VMP1: variants seen among roughly 807,000 people sequenced by gnomAD.
VMP1 encodes the protein vacuole membrane protein 1, also known as ectopic P-granules autophagy protein 3 homolog.
VMP1 carries 11 observed loss-of-function variants against 56.0 expected under a neutral mutation model. The ratio of observed to expected loss-of-function variants is 0.20; its 90% CI spans 0.12 to 0.32. The LOEUF is 0.32. VMP1 is among the 10% of genes least tolerant of loss of function. The pLI, the probability that VMP1 is intolerant of heterozygous loss-of-function variation, is 1.00. For missense variants in VMP1, 296 were observed against 490.3 expected (o/e 0.60, Z 3.74); for synonymous variants, 149 against 165.0 (o/e 0.90, Z 0.74).
intron 7 of VMP1, among the ~76,000 whole-genome samples, chr17:59,795,673 T>C (rs562610986): frequency 6.6e-6 from 1 of 151,812 alleles, no homozygotes; most frequent in Admixed American, 6.6e-5. Flanking sequence ...AAATAAAAAA[T>C]AATAATAAAA....
chr17:59,766,257 A>C (rs1004936642), intron 6 of VMP1, among the ~76,000 whole-genome samples: 2 of 152,042 alleles, frequency 1.3e-5, no homozygotes, highest in African/African-American at 4.8e-5. Context: ...TAATCTCAGC[A>C]CTTTGGGCGG....
At chr17:59,734,158 A>T (rs1355803348) in intron 2 of VMP1, among the ~76,000 whole-genome samples, 1 of 152,178 alleles carries the variant, frequency 6.6e-6, no homozygotes, top group Non-Finnish European at 1.5e-5. Context: ...TCTACAAAAG[A>T]TTCTGATGTT....
At chr17:59,750,433 C>A (rs1196487258) in intron 5 of VMP1, among the ~76,000 whole-genome samples, 1 of 151,796 alleles carries the variant, frequency 6.6e-6, no homozygotes, top group African/African-American at 2.4e-5. Context: ...TCCCAAGTAG[C>A]TGAGATTATA....
rs145752076 is a variant in VMP1 at position 59,743,314 on chromosome 17, G to A, written c.414+4367G>A. Among the ~76,000 whole-genome samples, 486 of 152,062 alleles carry A rather than the reference G, an allele frequency of 3.2e-3. 1 individual carries two copies. Among genetic ancestry groups the A allele is most frequent in the Admixed American group, 8.0e-3 (122 of 15,270 alleles). On this transcript the variant is annotated intron_variant, in intron 5 of 11. Transcript: ENST00000262291. ...CACTGATCTTTTTACTGTTTCTATA[G>A]TTTTGCCTTTTCCAGAAGACACTAT... is the stretch of plus-strand genomic sequence containing the variant.
At chr17:59,777,857 A>AC (rs1452240175) in intron 7 of VMP1, among the ~76,000 whole-genome samples, 1 of 150,846 alleles carries the variant, frequency 6.6e-6, no homozygotes, top group Non-Finnish European at 1.5e-5. Context: ...ACAAAACAAA[A>AC]AAACAAATAA....
chr17:59,800,600 T>C (rs1413870903), intron 7 of VMP1, among the ~76,000 whole-genome samples: 2 of 152,216 alleles, frequency 1.3e-5, no homozygotes, highest in Non-Finnish European at 2.9e-5. Flanking sequence ...TCAGTAGTTT[T>C]AATATATACA....
At chr17:59,816,974 GAAAA>G (rs1227434549) in intron 9 of VMP1, among the ~76,000 whole-genome samples, 2 of 105,402 alleles carry the variant, frequency 1.9e-5, no homozygotes, top group African/African-American at 3.3e-5. Context: ...AAGAAAGAAA[GAAAA>G]AAAAAAAGGG....
At chr17:59,817,282 C>CAAAAA (rs1209080230) in intron 9 of VMP1, among the ~76,000 whole-genome samples, 23 of 60,366 alleles carry the variant, frequency 3.8e-4, no homozygotes, top group African/African-American at 1.3e-3. Context: ...AACTCTGTCT[C>CAAAAA]AAAAAAAAAA....
chr17:59,718,217 G>T, intron 1 of VMP1, among the ~76,000 whole-genome samples: 1 of 82,652 alleles, frequency 1.2e-5, no homozygotes. Context: ...TTTTTTGTGA[G>T]ACGGAGTCTC....
intron 1 of VMP1, among the ~76,000 whole-genome samples, chr17:59,731,061 A>G (rs896432041): frequency 5.9e-5 from 9 of 152,206 alleles, no homozygotes; most frequent in African/African-American, 1.9e-4. Context: ...ATTGTAAATT[A>G]GAAGGAGTTA....
chr17:59,759,587 A>G (rs980552369), intron 5 of VMP1, among the ~76,000 whole-genome samples: 3 of 152,062 alleles, frequency 2.0e-5, no homozygotes, highest in African/African-American at 7.2e-5. Context: ...GTCTAATATC[A>G]ATTTAGCTAC....
intron 7 of VMP1, among the ~76,000 whole-genome samples, chr17:59,786,089 A>G (rs1032072302): frequency 6.6e-6 from 1 of 152,186 alleles, no homozygotes; most frequent in Non-Finnish European, 1.5e-5. Context: ...TTTACTAGTG[A>G]AAATATAAAA....
intron 5 of VMP1, among the ~76,000 whole-genome samples, chr17:59,763,170 G>A (rs748564517): frequency 2.6e-5 from 4 of 151,032 alleles, no homozygotes; most frequent in Admixed American, 6.6e-5. Flanking sequence ...TTTTAATTAT[G>A]TCTGATAGCT....
intron 7 of VMP1, among the ~76,000 whole-genome samples, chr17:59,778,781 G>C (rs1256806204): frequency 6.6e-6 from 1 of 152,160 alleles, no homozygotes; most frequent in Admixed American, 6.5e-5. Flanking sequence ...AACTTACAGT[G>C]GTTTGACTTA....
chr17:59,715,616 A>T (rs887209980), intron 1 of VMP1, among the ~76,000 whole-genome samples: 4 of 152,206 alleles, frequency 2.6e-5, no homozygotes, highest in African/African-American at 7.2e-5. Context: ...AAATTGACAT[A>T]GTAACAATAT....
chr17:59,732,304 G>A (rs1225252008), intron 2 of VMP1, among the ~76,000 whole-genome samples: 1 of 152,144 alleles, frequency 6.6e-6, no homozygotes, highest in Non-Finnish European at 1.5e-5. Flanking sequence ...GGAGTGCAAT[G>A]GTGCGATCTT....
At chr17:59,770,879 A>G (rs991818183) in intron 6 of VMP1, among the ~76,000 whole-genome samples, 1 of 152,104 alleles carries the variant, frequency 6.6e-6, no homozygotes, top group African/African-American at 2.4e-5. Context: ...TTTATGCTGA[A>G]GAAACTGTTA....
intron 7 of VMP1, 53 bp from the exon 8 acceptor site, chr17:59,808,743 C>A: frequency 7.3e-7 from 1 of 1,371,578 alleles, no homozygotes; most frequent in African/African-American, 1.4e-5. Context: ...AAAGAACCAT[C>A]TTTCCTTCTT....
chr17:59,832,206 T>TG (rs397858001), intron 10 of VMP1, among the ~76,000 whole-genome samples: 2 of 145,670 alleles, frequency 1.4e-5, no homozygotes, highest in Non-Finnish European at 3.0e-5. Flanking sequence ...TTTTTTTTTT[T>TG]GTCACCTAGA....
Sources: allele counts gnomAD v4.1 joint callset (sites outside exome capture counted in the v4.1 genomes callset), GRCh38; gene constraint gnomAD v4.1.1; transcripts MANE v1.5; gene names NCBI Gene and HGNC (gene_info 2026-07-23, HGNC 2026-07-21).